UBTD1: variants seen among roughly 807,000 people sequenced by gnomAD.
The protein encoded by UBTD1 is ubiquitin domain containing 1.
UBTD1 carries 19 observed loss-of-function variants against 21.7 expected under a neutral mutation model. The observed-to-expected ratio is 0.87, with a 90% CI of 0.61 to 1.28. The LOEUF (loss-of-function observed/expected upper bound fraction) is 1.28. Among genes scored for constraint, UBTD1 ranks in the 50% most tolerant of loss-of-function variants. The pLI is 0.00. For synonymous variants in UBTD1, 116 were observed against 135.1 expected (o/e 0.86, Z 0.98); for missense variants, 282 against 315.1 (o/e 0.89, Z 0.80).
At chr10:97,551,370 T>TAA (rs140401859) in intron 1 of UBTD1, among the ~76,000 whole-genome samples, 201 of 143,856 alleles carry the variant, frequency 1.4e-3, no homozygotes, top group African/African-American at 4.0e-3. Context: ...ACCTCTCTAT[T>TAA]AAAAAAAAAA....
chr10:97,551,670 G>A (rs1462774984), intron 1 of UBTD1, among the ~76,000 whole-genome samples: 1 of 152,136 alleles, frequency 6.6e-6, no homozygotes, highest in Non-Finnish European at 1.5e-5. Context: ...ATCCTACAGG[G>A]TATGGGCTTA....
chr10:97,524,303 G>A (rs1175491111), intron 1 of UBTD1, among the ~76,000 whole-genome samples: 1 of 151,888 alleles, frequency 6.6e-6, no homozygotes, highest in Non-Finnish European at 1.5e-5. Flanking sequence ...GTCTCACTAT[G>A]TTGCCCAGAC....
At position 97,570,055 on chromosome 10, in the gene UBTD1, C is replaced by T. The variant is rs2040737576; in HGVS notation, c.299-83C>T. 7.3e-6 allele frequency: 11 copies of T among 1,508,714 alleles called. No homozygotes were observed. Among genetic ancestry groups the T allele is most frequent in the Non-Finnish European group, 8.0e-6 (9 of 1,126,126 alleles). The allele number at this position is 1,508,714 out of a possible 1,614,324, so 93.5% of individuals were successfully genotyped here. ...GTCACATTGGGGGTTAGAGTTTCAC[C>T]ATATGAATTTGGGGGGACCCAAACA... On this transcript the variant is annotated intron_variant, in intron 2 of 2. Transcript: ENST00000370664. The surrounding 1 kb of genome is among the most constrained non-coding windows in gnomAD (Gnocchi z 6.6).
intron 1 of UBTD1, among the ~76,000 whole-genome samples, chr10:97,556,457 T>C (rs759732583): frequency 3.3e-5 from 5 of 152,226 alleles, no homozygotes; most frequent in Non-Finnish European, 7.3e-5. Context: ...TCTTGACCGG[T>C]TTTATTAGTA....
At chr10:97,535,286 A>G (rs2040554694) in intron 1 of UBTD1, among the ~76,000 whole-genome samples, 2 of 152,146 alleles carry the variant, frequency 1.3e-5, no homozygotes, top group African/African-American at 4.8e-5. Context: ...TAGCATTTCC[A>G]TTAAACAACA....
chr10:97,558,348 A>G (rs1202698836), intron 1 of UBTD1, among the ~76,000 whole-genome samples: 1 of 152,182 alleles, frequency 6.6e-6, no homozygotes, highest in African/African-American at 2.4e-5. Context: ...TCGTTAGCTA[A>G]TGATGTCCTT....
At chr10:97,565,732 G>T (rs1173807652) in intron 1 of UBTD1, among the ~76,000 whole-genome samples, 3 of 151,782 alleles carry the variant, frequency 2.0e-5, no homozygotes, top group Admixed American at 2.0e-4. Flanking sequence ...TTGAGACAGG[G>T]TCTCACTTTG....
intron 1 of UBTD1, among the ~76,000 whole-genome samples, chr10:97,534,575 GCGCGCA>G (rs1414401453): frequency 2.1e-5 from 1 of 46,932 alleles, no homozygotes; most frequent in Non-Finnish European, 6.6e-5. Context: ...ACACACGCGC[GCGCGCA>G]CACACACACA....
intron 1 of UBTD1, among the ~76,000 whole-genome samples, chr10:97,532,195 A>T (rs1168817933): frequency 6.6e-6 from 1 of 152,208 alleles, no homozygotes; most frequent in Non-Finnish European, 1.5e-5. Context: ...TCAGTCTGCC[A>T]TCTCTTGGCC....
At chr10:97,517,033 C>A (rs2040447560) in intron 1 of UBTD1, among the ~76,000 whole-genome samples, 1 of 152,020 alleles carries the variant, frequency 6.6e-6, no homozygotes. Flanking sequence ...TGCTGGACTC[C>A]AAGGATGACA....
intron 1 of UBTD1, among the ~76,000 whole-genome samples, chr10:97,554,116 T>C (rs902804448): frequency 2.0e-5 from 3 of 152,208 alleles, no homozygotes; most frequent in Non-Finnish European, 4.4e-5. Flanking sequence ...GTCAGTTCTT[T>C]AGTCTTCTCA....
intron 1 of UBTD1, among the ~76,000 whole-genome samples, chr10:97,503,084 CTTTT>C (rs1263609424): frequency 6.6e-6 from 1 of 151,812 alleles, no homozygotes; most frequent in Non-Finnish European, 1.5e-5. Flanking sequence ...GCCCAGCTAA[CTTTT>C]TATTTTTTGT....
intron 1 of UBTD1, among the ~76,000 whole-genome samples, chr10:97,508,698 C>T (rs531437000): frequency 2.6e-5 from 4 of 152,154 alleles, no homozygotes; most frequent in South Asian, 2.1e-4. Flanking sequence ...CCTTTAATTT[C>T]CCCACCCCCA....
At chr10:97,562,983 C>T (rs1564745050) in intron 1 of UBTD1, among the ~76,000 whole-genome samples, 3 of 151,786 alleles carry the variant, frequency 2.0e-5, no homozygotes, top group Admixed American at 6.6e-5. Flanking sequence ...GGATTAGGGG[C>T]GGCGTGGGAA....
chr10:97,528,402 A>AC (rs2040504135), intron 1 of UBTD1, among the ~76,000 whole-genome samples: 4 of 54,178 alleles, frequency 7.4e-5, no homozygotes, highest in African/African-American at 1.4e-4. Context: ...CGGGGGGCTG[A>AC]CTCCCCCACC....
chr10:97,518,932 A>G (rs923546945), intron 1 of UBTD1, among the ~76,000 whole-genome samples: 1 of 152,248 alleles, frequency 6.6e-6, no homozygotes, highest in East Asian at 1.9e-4. Flanking sequence ...AGTAAGTTGT[A>G]TGATCATCCT....
intron 1 of UBTD1, among the ~76,000 whole-genome samples, chr10:97,560,170 C>T (rs902030768): frequency 8.6e-5 from 13 of 151,956 alleles, no homozygotes; most frequent in African/African-American, 2.7e-4. Context: ...TATTTCAGGA[C>T]AAGAATTTAC....
chr10:97,569,819 C>T (rs1452189816), intron 2 of UBTD1, among the ~76,000 whole-genome samples: 1 of 151,880 alleles, frequency 6.6e-6, no homozygotes, highest in Non-Finnish European at 1.5e-5. Flanking sequence ...GTGGAGCACA[C>T]CTGTAGTCTC....
At chr10:97,545,334 G>C (rs1188976679) in intron 1 of UBTD1, among the ~76,000 whole-genome samples, 4 of 101,718 alleles carry the variant, frequency 3.9e-5, no homozygotes, top group Non-Finnish European at 9.9e-5. Flanking sequence ...GCGAGACTCC[G>C]TCTCAAAAAA....
Sources: allele counts gnomAD v4.1 joint callset (sites outside exome capture counted in the v4.1 genomes callset), GRCh38; gene constraint gnomAD v4.1.1; non-coding constraint Gnocchi (gnomAD v3.1); transcripts MANE v1.5; gene names NCBI Gene and HGNC (gene_info 2026-07-23, HGNC 2026-07-21).